RNF4: variants seen among roughly 807,000 people sequenced by gnomAD.
The protein encoded by RNF4 is ring finger protein 4, also known as E3 ubiquitin-protein ligase RNF4.
Under a neutral mutation model 24.3 loss-of-function variants are expected in RNF4, and 7 were observed. The observed-to-expected ratio is 0.29, with a 90% CI of 0.16 to 0.54. The LOEUF is 0.54. Among genes scored for constraint, RNF4 ranks in the 20% least tolerant of loss-of-function variants. The pLI, the probability that RNF4 is intolerant of heterozygous loss-of-function variation, is 0.95. For missense variants in RNF4, 209 were observed against 248.5 expected (o/e 0.84, Z 1.07); for synonymous variants, 83 against 84.3 (o/e 0.98, Z 0.09).
At chr4:2,496,940 T>G in intron 2 of RNF4, 67 bp from the exon 3 acceptor site, 1 of 1,193,058 alleles carries the variant, frequency 8.4e-7, no homozygotes, top group East Asian at 2.6e-5. Flanking sequence ...CTATTGCCCA[T>G]TTAGTTCTTC....
chr4:2,474,860 A>C (rs846241), intron 1 of RNF4, among the ~76,000 whole-genome samples: 28,106 of 152,030 alleles, frequency 0.18, 3,085 homozygotes, highest in Middle Eastern at 0.28. Context: ...CCCCGTCTCG[A>C]CTAAAAATAC....
chr4:2,471,280 T>C (rs941992613), intron 1 of RNF4, among the ~76,000 whole-genome samples: 6 of 152,350 alleles, frequency 3.9e-5, no homozygotes, highest in Admixed American at 2.6e-4. Flanking sequence ...AACCTTTTCA[T>C]TGTTACATCT....
chr4:2,495,645 G>GT (rs913204887), intron 2 of RNF4, among the ~76,000 whole-genome samples: 9 of 148,630 alleles, frequency 6.1e-5, no homozygotes, highest in African/African-American at 2.2e-4. Context: ...TTTTTGGGGG[G>GT]GGGTGAGATG....
At chr4:2,499,744 A>G (rs1735851906) in intron 3 of RNF4, among the ~76,000 whole-genome samples, 2 of 152,200 alleles carry the variant, frequency 1.3e-5, no homozygotes, top group Non-Finnish European at 2.9e-5. Context: ...AAGGGCTGAA[A>G]GGCAAGCTTC....
chr4:2,502,368 A>C (rs935977971), intron 4 of RNF4, among the ~76,000 whole-genome samples: 1 of 151,844 alleles, frequency 6.6e-6, no homozygotes, highest in African/African-American at 2.4e-5. Flanking sequence ...CCCCTTTCAC[A>C]CTTGTGTTTT....
At chr4:2,488,374 A>G (rs1013133954) in intron 1 of RNF4, among the ~76,000 whole-genome samples, 1 of 152,156 alleles carries the variant, frequency 6.6e-6, no homozygotes, top group African/African-American at 2.4e-5. Context: ...GAGGCAGGAG[A>G]ATCACTTGAA....
At chr4:2,475,321 G>A (rs1735035778) in intron 1 of RNF4, among the ~76,000 whole-genome samples, 1 of 148,156 alleles carries the variant, frequency 6.7e-6, no homozygotes. Context: ...GCACGCCACC[G>A]CACCTGGCTT....
chr4:2,496,389 G>T (rs1578514861), intron 2 of RNF4, among the ~76,000 whole-genome samples: 1 of 152,192 alleles, frequency 6.6e-6, no homozygotes, highest in African/African-American at 2.4e-5. Context: ...TTTGGCCAGG[G>T]CATCCACTAC....
At chr4:2,489,523 C>T (rs927580461) in intron 1 of RNF4, among the ~76,000 whole-genome samples, 8 of 152,162 alleles carry the variant, frequency 5.3e-5, no homozygotes, top group African/African-American at 1.9e-4. Flanking sequence ...ATTGGAGGGC[C>T]TAGCAGGCTG....
intron 2 of RNF4, chr4:2,490,935 A>G (rs1214577879): frequency 6.3e-6 from 1 of 157,874 alleles, no homozygotes; most frequent in East Asian, 1.8e-4. Context: ...CAAACAAACA[A>G]AATGTAGCCA....
chr4:2,470,632 C>T (rs1734873666), intron 1 of RNF4, among the ~76,000 whole-genome samples: 1 of 152,158 alleles, frequency 6.6e-6, no homozygotes, highest in Admixed American at 6.5e-5. Flanking sequence ...ATAATGTATG[C>T]ACATCTGTGC....
chr4:2,490,234 G>A, intron 1 of RNF4, 103 bp from the exon 2 acceptor site: 1 of 437,718 alleles, frequency 2.3e-6, no homozygotes. Context: ...GAAATAGTAA[G>A]CAAATAACCT....
At chr4:2,505,163 A>G (rs1011018142) in intron 4 of RNF4, 4 of 152,104 alleles carry the variant, frequency 2.6e-5, no homozygotes, top group African/African-American at 9.7e-5. Context: ...AAAGCTCCCT[A>G]CGTTTTCCCA....
rs763856219 is a variant in RNF4, at chr4:2,490,357, C to G, written c.-137C>G. On this transcript the variant is annotated 5_prime_UTR_variant, in exon 2 of 8. The change creates a new upstream start codon in the 5' untranslated region. Transcript: ENST00000314289. ...TTCAGGACTTGAAAATACTGGAAAT[C>G]TGTCCGGATCCAAATTATTTTGCAA... The G allele has an allele frequency of 3.4e-5, 25 of 726,926 alleles. No individual in the cohort carries two copies. The highest frequency in any genetic ancestry group is 8.9e-5 in the African/African-American group (5 of 56,080). 45.0% of individuals were successfully genotyped at this position (726,926 alleles called of 1,614,324 possible). A position where few individuals can be genotyped will look rare whatever the true frequency, so the allele number is the denominator to read the frequency against.
chr4:2,515,296 ATG>A lies in RNF4; in HGVS notation c.*1480_*1481del, dbSNP rs559948597. 21 of 152,646 alleles carry A rather than the reference ATG, an allele frequency of 1.4e-4. No homozygotes were observed. The highest frequency in any genetic ancestry group is 2.8e-4 in the Non-Finnish European group (19 of 68,044). 9.5% of individuals were successfully genotyped at this position (152,646 alleles called of 1,614,324 possible). ...GGGGCTGAAGGAGTGTCCCTCCTCT[ATG>A]TGAAAAGAAAATTGTTTTATTCTTC... On this transcript the variant is annotated 3_prime_UTR_variant, in exon 8 of 8. Transcript: ENST00000314289.
chr4:2,483,908 C>T (rs1384025210), intron 1 of RNF4, among the ~76,000 whole-genome samples: 2 of 151,644 alleles, frequency 1.3e-5, no homozygotes, highest in East Asian at 3.9e-4. Context: ...TCTCGGCTCA[C>T]CTCCACCTCT....
chr4:2,506,311 G>A (rs1736099419), intron 4 of RNF4: 1 of 151,972 alleles, frequency 6.6e-6, no homozygotes, highest in African/African-American at 2.4e-5. Flanking sequence ...AGCCTCCTGA[G>A]TAGCTGGGAT....
intron 4 of RNF4, among the ~76,000 whole-genome samples, chr4:2,503,431 C>T (rs377370930): frequency 4.3e-4 from 65 of 152,210 alleles, no homozygotes; most frequent in African/African-American, 1.3e-3. Flanking sequence ...AAAAGGGAGA[C>T]GCTCCTGGCT....
At position 2,513,095 on chromosome 4, in the gene RNF4, T is replaced by A. The variant is rs772404727; in HGVS notation, c.387T>A (p.Thr129=). ...EGATGLRPSG[T]VSCPICMDGY... Reference sequence around the variant, plus strand: ...ACTGTGCTCTTAGGCCCTCAGGTACTGTCAGTTGTCCCATCTGCATGGACG... The same window carrying A: ...ACTGTGCTCTTAGGCCCTCAGGTACAGTCAGTTGTCCCATCTGCATGGACG... Residue 129 remains threonine (T), a synonymous_variant, in exon 7 of 8, where the codon ACT becomes ACA. Coordinates refer to ENST00000314289, the MANE Select transcript of RNF4 (RefSeq NM_002938.5). 19 of 1,613,810 alleles carry A rather than the reference T, an allele frequency of 1.2e-5. No homozygotes were observed. The Admixed American group carries it at 2.5e-4, about 21-fold the overall frequency.
Sources: gnomAD v4.1 joint callset for allele counts (sites outside exome capture counted in the v4.1 genomes callset) on GRCh38, gnomAD v4.1.1 for gene constraint, MANE v1.5 for transcripts, NCBI Gene and HGNC (gene_info 2026-07-23, HGNC 2026-07-21) for gene names.